The following CLEC5A variants were observed in gnomAD, a reference collection of about 807,000 sequenced individuals.
The protein encoded by CLEC5A is C-type lectin domain family 5 member A.
Under a neutral mutation model 24.4 loss-of-function variants are expected in CLEC5A, and 15 were observed. The ratio of observed to expected loss-of-function variants is 0.62; its 90% CI spans 0.41 to 0.95. The LOEUF (loss-of-function observed/expected upper bound fraction) is 0.95. Ranked by LOEUF, CLEC5A falls within the 40% of genes least tolerant of loss-of-function variation. CLEC5A has a pLI of 0.00. For synonymous variants in CLEC5A, 71 were observed against 72.6 expected (o/e 0.98, Z 0.11); for missense variants, 211 against 224.0 (o/e 0.94, Z 0.37).
At chr7:141,936,649 G>T (rs1320222350) in intron 4 of CLEC5A, among the ~76,000 whole-genome samples, 3 of 152,112 alleles carry the variant, frequency 2.0e-5, no homozygotes, top group Admixed American at 2.0e-4. Flanking sequence ...GCAACTCCTA[G>T]GCAAGTCCTT....
intron 3 of CLEC5A, among the ~76,000 whole-genome samples, 194 bp from the exon 4 acceptor site, chr7:141,944,158 C>G (rs1169368825): frequency 6.6e-6 from 1 of 152,114 alleles, no homozygotes; most frequent in Non-Finnish European, 1.5e-5. Context: ...GTCAACTTGA[C>G]ACCCAAATCC....
chr7:141,944,726 T>G (rs1802901720), intron 3 of CLEC5A, among the ~76,000 whole-genome samples: 1 of 152,196 alleles, frequency 6.6e-6, no homozygotes, highest in Non-Finnish European at 1.5e-5. Flanking sequence ...ATCAAATTAG[T>G]TACTTACATT....
At chr7:141,946,518 A>G (rs141277378) in intron 1 of CLEC5A, among the ~76,000 whole-genome samples, 1 of 152,198 alleles carries the variant, frequency 6.6e-6, no homozygotes, top group African/African-American at 2.4e-5. Context: ...AACTTGGCAT[A>G]CTGCCTCTCC....
chr7:141,945,310 TG>T, intron 3 of CLEC5A, 30 bp downstream of exon 3: 2 of 1,496,670 alleles, frequency 1.3e-6, no homozygotes, highest in Non-Finnish European at 1.9e-6. Context: ...AGCAGGAGGA[TG>T]GGGAGAAGAT....
At chr7:141,940,110 T>C (rs1802741610) in intron 4 of CLEC5A, among the ~76,000 whole-genome samples, 1 of 152,152 alleles carries the variant, frequency 6.6e-6, no homozygotes, top group Non-Finnish European at 1.5e-5. Context: ...TATAGAACAT[T>C]CTATTCATCA....
Position 141,931,810 on chromosome 7 carries a change from A to T in CLEC5A, c.362T>A (p.Ile121Lys). The T allele has an allele frequency of 6.3e-7, 1 of 1,581,260 alleles. No homozygotes were observed. ...TPEKLKFLQD[I>K]TDAEKYFIGL... The stretch of plus-strand genomic sequence containing the variant: ...AATAAAATACTTCTCAGCATCAGTT[A>T]TGTCCTGAAGAAACTTCTGGAAATA... The change falls in exon 6 of 7, where the codon ATA becomes AAA. Residue 121 changes from isoleucine to lysine, a missense_variant. Ile to Lys is a moderately radical substitution (Grantham distance 102). Transcript: ENST00000546910.
chr7:141,939,061 A>G (rs549671687), intron 4 of CLEC5A, among the ~76,000 whole-genome samples: 1 of 152,316 alleles, frequency 6.6e-6, no homozygotes, highest in African/African-American at 2.4e-5. Context: ...ATGAGCAATA[A>G]GAAATCATCT....
At chr7:141,935,135 T>A (rs1337716233) in intron 5 of CLEC5A, among the ~76,000 whole-genome samples, 1 of 152,188 alleles carries the variant, frequency 6.6e-6, no homozygotes, top group Non-Finnish European at 1.5e-5. Flanking sequence ...ACAGGAGGAC[T>A]TTCTAGAGGA....
At chr7:141,939,054 A>G (rs1269650930) in intron 4 of CLEC5A, among the ~76,000 whole-genome samples, 1 of 152,186 alleles carries the variant, frequency 6.6e-6, no homozygotes, top group Non-Finnish European at 1.5e-5. Flanking sequence ...GACATTAATG[A>G]GCAATAAGAA....
chr7:141,936,263 A>G, intron 4 of CLEC5A: 1 of 351,830 alleles, frequency 2.8e-6, no homozygotes, highest in South Asian at 2.6e-5. Context: ...AATCAGATGA[A>G]CACTCAGTAC....
chr7:141,945,512 A>G (rs1003880636), intron 2 of CLEC5A, 112 bp from the exon 3 acceptor site: 59 of 773,570 alleles, frequency 7.6e-5, no homozygotes, highest in African/African-American at 7.1e-4. Context: ...AGTGGGAAAT[A>G]CTGAACTCTC....
intron 4 of CLEC5A, among the ~76,000 whole-genome samples, chr7:141,939,235 C>T (rs1210063230): frequency 6.6e-6 from 1 of 151,832 alleles, no homozygotes; most frequent in Non-Finnish European, 1.5e-5. Flanking sequence ...ACAGTAAAAA[C>T]AAAGTTATAA....
At chr7:141,932,243 G>T (rs564640829) in intron 5 of CLEC5A, among the ~76,000 whole-genome samples, 14 of 152,290 alleles carry the variant, frequency 9.2e-5, no homozygotes, top group African/African-American at 3.4e-4. Context: ...CAGAAATTTT[G>T]TATGCTAAGT....
intron 1 of CLEC5A, 103 bp from the exon 2 acceptor site, chr7:141,946,415 C>T: frequency 9.6e-7 from 1 of 1,044,020 alleles, no homozygotes; most frequent in Non-Finnish European, 1.4e-6. Flanking sequence ...GCAAGGCAGG[C>T]TTGGAAGACA....
chr7:141,930,784 C>G (rs1802435683), intron 6 of CLEC5A, among the ~76,000 whole-genome samples: 1 of 152,194 alleles, frequency 6.6e-6, no homozygotes, highest in African/African-American at 2.4e-5. Context: ...ATATTTAACA[C>G]ATTTCTAAGC....
At chr7:141,945,483 C>G (rs1802926044) in intron 2 of CLEC5A, 83 bp from the exon 3 acceptor site, 1 of 927,052 alleles carries the variant, frequency 1.1e-6, no homozygotes, top group African/African-American at 1.6e-5. Context: ...ACAGGGGCTG[C>G]TAGGGTACTG....
At chr7:141,936,286 A>T (rs1802622714) in intron 4 of CLEC5A, 1 of 320,752 alleles carries the variant, frequency 3.1e-6, no homozygotes, top group Non-Finnish European at 5.9e-6. Flanking sequence ...GGATAGCTGA[A>T]AGAGGCACTG....
At position 141,944,408 on chromosome 7, in the gene CLEC5A, C is replaced by G. The variant is rs142257380; in HGVS notation, c.140-444G>C. On this transcript the variant is annotated intron_variant, in intron 3 of 6. Transcript: ENST00000546910. ...GTGTCCCAGATTCAGTATGAAAATTCATAATCCTGGGCAACTCTGGGACTC... is the reference window on the plus strand; with the variant it reads ...GTGTCCCAGATTCAGTATGAAAATTGATAATCCTGGGCAACTCTGGGACTC... Among the ~76,000 whole-genome samples, 856 of 152,270 alleles carry G rather than the reference C, an allele frequency of 5.6e-3. 10 individuals are homozygous for G. Among genetic ancestry groups the G allele is most frequent in the African/African-American group, 0.02 (824 of 41,552 alleles).
At position 141,938,119 on chromosome 7, in the gene CLEC5A, A is replaced by G. The variant is rs112475064; in HGVS notation, c.209-2169T>C. On this transcript the variant is annotated intron_variant, in intron 4 of 6. Transcript: ENST00000546910. ...AATCTTCTATGCCCAGACACTGATG[A>G]ACATCCACAAGTATCAAGACCATTC... is the stretch of plus-strand genomic sequence containing the variant. Among the ~76,000 whole-genome samples, 661 of 152,308 alleles carry G rather than the reference A, an allele frequency of 4.3e-3. 5 individuals carry two copies. Among genetic ancestry groups the G allele is most frequent in the African/African-American group, 0.015 (635 of 41,570 alleles).
Sources: gnomAD v4.1 joint callset for allele counts (sites outside exome capture counted in the v4.1 genomes callset) on GRCh38, gnomAD v4.1.1 for gene constraint, MANE v1.5 for transcripts, NCBI Gene and HGNC (gene_info 2026-07-23, HGNC 2026-07-21) for gene names.